CDC42BPB: variants seen among roughly 807,000 people sequenced by gnomAD.
The protein encoded by CDC42BPB is CDC42 binding protein kinase beta, also known as serine/threonine-protein kinase MRCK beta.
CDC42BPB carries 37 observed loss-of-function variants against 214.9 expected under a neutral mutation model. The observed-to-expected ratio is 0.17, with a 90% CI of 0.13 to 0.23. CDC42BPB has a LOEUF of 0.23. Ranked by LOEUF, CDC42BPB falls within the 10% of genes least tolerant of loss-of-function variation. The probability of loss-of-function intolerance (pLI) is 1.00; values close to 1 mark genes in which losing one functional copy is unlikely to be tolerated. For missense variants in CDC42BPB, 1,694 were observed against 2,227.0 expected, an observed-to-expected ratio of 0.76 and a Z score of 4.82; for synonymous variants, 931 against 884.0, an observed-to-expected ratio of 1.05 and a Z score of -0.94.
intron 12 of CDC42BPB, among the ~76,000 whole-genome samples, chr14:102,972,999 G>T (rs1212657407): frequency 6.6e-6 from 1 of 152,350 alleles, no homozygotes; most frequent in African/African-American, 2.4e-5. Flanking sequence ...GATACTGGCT[G>T]TCACTCTGCA....
intron 1 of CDC42BPB, among the ~76,000 whole-genome samples, chr14:103,029,395 T>C (rs1887224764): frequency 6.7e-6 from 1 of 150,254 alleles, no homozygotes; most frequent in Non-Finnish European, 1.5e-5. Context: ...ACAAAAAAAT[T>C]AGCTGGGCGT....
At chr14:102,941,565 C>T (rs926082741) in intron 30 of CDC42BPB, 3 of 985,332 alleles carry the variant, frequency 3.0e-6, no homozygotes, top group African/African-American at 1.7e-5. Context: ...ACTCTCCACA[C>T]GGGCTTCTGG....
intron 21 of CDC42BPB, among the ~76,000 whole-genome samples, chr14:102,958,013 G>C (rs979793153): frequency 2.0e-5 from 3 of 152,218 alleles, no homozygotes; most frequent in Non-Finnish European, 4.4e-5. Context: ...CAACTGGCCT[G>C]GGTAACACCA....
intron 1 of CDC42BPB, among the ~76,000 whole-genome samples, chr14:103,048,087 G>T (rs1453017683): frequency 1.3e-5 from 2 of 152,086 alleles, no homozygotes; most frequent in Non-Finnish European, 1.5e-5. Context: ...ACTCCAAGGA[G>T]GACTGCTCAG....
At chr14:103,009,305 C>T (rs532005169) in intron 2 of CDC42BPB, among the ~76,000 whole-genome samples, 1 of 152,224 alleles carries the variant, frequency 6.6e-6, no homozygotes, top group South Asian at 2.1e-4. Context: ...ACTGTGAGAG[C>T]TGCCATTCAC....
chr14:103,024,219 C>A (rs948071463), intron 1 of CDC42BPB, among the ~76,000 whole-genome samples: 12 of 152,220 alleles, frequency 7.9e-5, no homozygotes, highest in African/African-American at 2.9e-4. Flanking sequence ...GGACTTGTCT[C>A]TGTTTAACTG....
chr14:103,019,318 G>C (rs952919625), intron 1 of CDC42BPB, among the ~76,000 whole-genome samples: 1 of 152,208 alleles, frequency 6.6e-6, no homozygotes, highest in African/African-American at 2.4e-5. Context: ...CACTCACAAG[G>C]CTCCAAGTTG....
intron 1 of CDC42BPB, among the ~76,000 whole-genome samples, chr14:103,053,514 A>C (rs12893592): frequency 0.033 from 4,936 of 151,826 alleles, 93 homozygotes; most frequent in Admixed American, 0.061. Flanking sequence ...GTAATCCAAG[A>C]ACTTTGGGAG....
chr14:102,987,521 T>G (rs1277144923), intron 5 of CDC42BPB, among the ~76,000 whole-genome samples: 1 of 151,922 alleles, frequency 6.6e-6, no homozygotes, highest in African/African-American at 2.4e-5. Flanking sequence ...AATGGGTGAG[T>G]AAGCTGGGCT....
In CDC42BPB at chr14:103,004,776, G is replaced by T. The variant is rs1269720355; in HGVS notation, c.352-753C>A. Among the ~76,000 whole-genome samples the T allele has an allele frequency of 1.3e-5, 2 of 152,134 alleles. No individual in the cohort carries two copies. Among genetic ancestry groups the T allele is most frequent in the Admixed American group, 6.5e-5 (1 of 15,280 alleles). On this transcript the variant is annotated intron_variant, in intron 3 of 36. Coordinates refer to ENST00000361246, the MANE Select transcript of CDC42BPB (RefSeq NM_006035.4). This position sits in a 1 kb window ranked among gnomAD's most constrained non-coding sequence, Gnocchi z 5.3. Reference sequence around the variant, plus strand: ...CCCAGCTACATGGGAGGCTGAGGGGGGAGAACTGCTTGAGCCCAGGAAGCG... The same window carrying T: ...CCCAGCTACATGGGAGGCTGAGGGGTGAGAACTGCTTGAGCCCAGGAAGCG...
Position 102,970,136 on chromosome 14 carries a change from C to T in CDC42BPB, c.1995+15G>A, listed in dbSNP as rs755485997. The T allele has an allele frequency of 6.3e-7, 1 of 1,593,594 alleles. No individual in the cohort carries two copies. The highest frequency in any genetic ancestry group is 8.6e-7 in the Non-Finnish European group (1 of 1,163,592). On this transcript the variant is annotated intron_variant, in intron 14 of 36. Transcript: ENST00000361246. ...TCCCTCTCAGTTAAGGGCAGAGACC[C>T]CCGCCCAGCACTACCTTGAGGGCCT...
At chr14:102,999,453 T>TGG in intron 5 of CDC42BPB, 112 bp downstream of exon 5, 1 of 995,142 alleles carries the variant, frequency 1.0e-6, no homozygotes, top group South Asian at 1.5e-5. Context: ...CAGCTCAAAG[T>TGG]GGGGACTCGC....
chr14:102,978,237 T>A, intron 8 of CDC42BPB, 32 bp from the exon 9 acceptor site: 1 of 1,606,104 alleles, frequency 6.2e-7, no homozygotes, highest in Non-Finnish European at 8.5e-7. Flanking sequence ...ACAAATGAAA[T>A]CTACATTCAA....
chr14:103,046,277 T>C (rs567188701), intron 1 of CDC42BPB, among the ~76,000 whole-genome samples: 16 of 151,662 alleles, frequency 1.1e-4, no homozygotes, highest in Admixed American at 2.0e-4. Flanking sequence ...AGCCCCAAAA[T>C]AAAGAATTCT....
chr14:103,017,162 A>T (rs1437022758), intron 1 of CDC42BPB, among the ~76,000 whole-genome samples: 1 of 152,146 alleles, frequency 6.6e-6, no homozygotes, highest in Non-Finnish European at 1.5e-5. Flanking sequence ...TCTCTACAAA[A>T]AATAAAATCA....
chr14:102,952,396 T>A (rs1455643315), intron 24 of CDC42BPB, 102 bp downstream of exon 24: 4 of 682,198 alleles, frequency 5.9e-6, no homozygotes, highest in Non-Finnish European at 1.0e-5. Flanking sequence ...TCACTTTAGT[T>A]TGGTTTGCTT....
Position 103,051,273 on chromosome 14 carries a change from T to C in CDC42BPB, c.175+5726A>G, listed in dbSNP as rs758359141. On this transcript the variant is annotated intron_variant, in intron 1 of 36. Coordinates refer to ENST00000361246, the MANE Select transcript of CDC42BPB (RefSeq NM_006035.4). Reference sequence around the variant, plus strand: ...TTAGCAAGAGAGGCTTTCTGTGAGCTTCTCACACAAATTTAAGGTAACCAT... The same window carrying C: ...TTAGCAAGAGAGGCTTTCTGTGAGCCTCTCACACAAATTTAAGGTAACCAT... Among the ~76,000 whole-genome samples the C allele has an allele frequency of 7.9e-5, 12 of 152,030 alleles. 1 individual carries two copies. The highest frequency in any genetic ancestry group is 1.3e-4 in the Admixed American group (2 of 15,248).
intron 34 of CDC42BPB, 105 bp from the exon 35 acceptor site, chr14:102,938,516 G>A: frequency 6.9e-7 from 1 of 1,451,920 alleles, no homozygotes; most frequent in Non-Finnish European, 9.0e-7. Context: ...ACCTTGATGA[G>A]CAAAATGGGG....
intron 1 of CDC42BPB, among the ~76,000 whole-genome samples, chr14:103,013,862 T>A (rs1886298788): frequency 6.6e-6 from 1 of 151,972 alleles, no homozygotes; most frequent in African/African-American, 2.4e-5. Context: ...ACTGGTTACA[T>A]CCCCCACAAG....
Sources: allele counts gnomAD v4.1 joint callset (sites outside exome capture counted in the v4.1 genomes callset), GRCh38; gene constraint gnomAD v4.1.1; non-coding constraint Gnocchi (gnomAD v3.1); transcripts MANE v1.5; gene names NCBI Gene and HGNC (gene_info 2026-07-23, HGNC 2026-07-21).